MACROD2: variants seen among roughly 807,000 people sequenced by gnomAD.
MACROD2 encodes the protein mono-ADP ribosylhydrolase 2, also known as ADP-ribose glycohydrolase MACROD2.
Under a neutral mutation model 70.4 loss-of-function variants are expected in MACROD2, and 36 were observed. That is an observed-to-expected ratio of 0.51 (90% CI 0.39 to 0.68). The LOEUF (loss-of-function observed/expected upper bound fraction) is 0.68, where lower values mean the gene tolerates loss of function less well. MACROD2 is among the 30% of genes least tolerant of loss of function. The pLI, the probability that MACROD2 is intolerant of heterozygous loss-of-function variation, is 0.00. For synonymous variants in MACROD2, 172 were observed against 178.8 expected, an observed-to-expected ratio of 0.96 and a Z score of 0.30; for missense variants, 496 against 538.4, an observed-to-expected ratio of 0.92 and a Z score of 0.78.
chr20:15,908,951 A>G (rs2065190891), intron 10 of MACROD2, among the ~76,000 whole-genome samples: 1 of 152,218 alleles, frequency 6.6e-6, no homozygotes, highest in Admixed American at 6.5e-5. Context: ...TCCAGGTACT[A>G]GGGATGTATA....
intron 5 of MACROD2, among the ~76,000 whole-genome samples, chr20:14,817,667 G>A (rs570843195): frequency 6.6e-6 from 1 of 152,216 alleles, no homozygotes; most frequent in South Asian, 2.1e-4. Context: ...TATTTTATAA[G>A]TTCATAAAAT....
At chr20:14,685,000 T>A in intron 5 of MACROD2, 41 bp downstream of exon 5, 5 of 1,490,074 alleles carry the variant, frequency 3.4e-6, no homozygotes, top group Non-Finnish European at 4.7e-6. Context: ...AGATGAGACA[T>A]CTTAACTTGT....
chr20:15,246,507 TA>T (rs1399580425), intron 6 of MACROD2, among the ~76,000 whole-genome samples: 1 of 152,228 alleles, frequency 6.6e-6, no homozygotes, highest in East Asian at 1.9e-4. Context: ...CCCATCTTTT[TA>T]TTTTTTTTTA....
At chr20:14,260,572 G>C (rs1260827054) in intron 3 of MACROD2, among the ~76,000 whole-genome samples, 2 of 152,040 alleles carry the variant, frequency 1.3e-5, no homozygotes. Context: ...CAAAATGCTG[G>C]GATTACAGGC....
intron 6 of MACROD2, among the ~76,000 whole-genome samples, chr20:15,379,989 A>G (rs2045619169): frequency 6.8e-6 from 1 of 147,958 alleles, no homozygotes; most frequent in Admixed American, 6.7e-5. Flanking sequence ...ATTGGAAAAC[A>G]GATCTTGGGT....
chr20:15,654,088 A>C (rs2049688797), intron 8 of MACROD2, among the ~76,000 whole-genome samples: 1 of 152,196 alleles, frequency 6.6e-6, no homozygotes, highest in African/African-American at 2.4e-5. Context: ...GAACCCTCCC[A>C]AACAGCAGGC....
At chr20:15,040,366 T>C (rs1258051862) in intron 5 of MACROD2, among the ~76,000 whole-genome samples, 3 of 152,132 alleles carry the variant, frequency 2.0e-5, no homozygotes, top group African/African-American at 7.2e-5. Flanking sequence ...ATAGTGTATT[T>C]GGCTGGGTCC....
chr20:14,106,501 T>G lies in MACROD2; in HGVS notation c.271+20773T>G, dbSNP rs116028270. Reference sequence around the variant, plus strand: ...GAACTCACCTAGGGCCTGGGGGATCTCATTGCCCTGAAGGGAGGGACAAAA... The same window carrying G: ...GAACTCACCTAGGGCCTGGGGGATCGCATTGCCCTGAAGGGAGGGACAAAA... On this transcript the variant is annotated intron_variant, in intron 3 of 17. Coordinates refer to ENST00000684519, the MANE Select transcript of MACROD2 (RefSeq NM_001351661.2). Among the ~76,000 whole-genome samples the G allele has an allele frequency of 6.3e-3, 959 of 152,108 alleles. 14 individuals are homozygous for G. The highest frequency in any genetic ancestry group is 0.022 in the African/African-American group (911 of 41,498).
intron 8 of MACROD2, among the ~76,000 whole-genome samples, chr20:15,698,360 T>G (rs1315584115): frequency 2.6e-5 from 4 of 152,218 alleles, no homozygotes; most frequent in African/African-American, 9.6e-5. Context: ...TACAAAATTC[T>G]TGACTGATAA....
At chr20:14,214,278 G>C (rs1039521414) in intron 3 of MACROD2, among the ~76,000 whole-genome samples, 1 of 152,050 alleles carries the variant, frequency 6.6e-6, no homozygotes, top group Non-Finnish European at 1.5e-5. Flanking sequence ...CTGCCTTCAG[G>C]CTAAAAGGCA....
chr20:15,727,418 G>A (rs960606005), intron 8 of MACROD2, among the ~76,000 whole-genome samples: 1 of 151,016 alleles, frequency 6.6e-6, no homozygotes, highest in East Asian at 1.9e-4. Flanking sequence ...CCTCTATTTG[G>A]GCCCCTTTTT....
chr20:15,956,389 T>C (rs1449376157), intron 12 of MACROD2, among the ~76,000 whole-genome samples: 6 of 152,192 alleles, frequency 3.9e-5, no homozygotes, highest in Non-Finnish European at 2.9e-5. Flanking sequence ...GAAGGAGAGA[T>C]GCTTTGAAAA....
chr20:15,215,972 G>A (rs765180855), intron 5 of MACROD2, among the ~76,000 whole-genome samples: 4 of 152,028 alleles, frequency 2.6e-5, no homozygotes, highest in African/African-American at 4.8e-5. Context: ...ATATAAACTC[G>A]CCTATTAAGA....
intron 8 of MACROD2, among the ~76,000 whole-genome samples, chr20:15,569,470 G>A (rs1174016374): frequency 6.6e-6 from 1 of 152,028 alleles, no homozygotes; most frequent in East Asian, 1.9e-4. Context: ...TCACCATGTT[G>A]TACGATAGAT....
In MACROD2 at chr20:15,777,370, A is replaced by C. The variant is rs1298191552; in HGVS notation, c.646-85375A>C. 6.6e-5 allele frequency among the ~76,000 whole-genome samples: 10 copies of C among 152,176 alleles called. No homozygotes were observed. The East Asian group carries it at 1.9e-3, about 29-fold the overall frequency. On this transcript the variant is annotated intron_variant, in intron 8 of 17. Transcript: ENST00000684519. ...GAGAAAGTGCCGGTTTGGTTAAGTA[A>C]AATTTAGAAAAATACTAATCTAGTC...
intron 3 of MACROD2, among the ~76,000 whole-genome samples, chr20:14,109,123 C>T (rs1311344054): frequency 6.6e-6 from 1 of 151,996 alleles, no homozygotes; most frequent in Non-Finnish European, 1.5e-5. Context: ...ATTTTGGAAA[C>T]TATACAAACA....
At chr20:15,510,870 C>T (rs1558739) in intron 8 of MACROD2, among the ~76,000 whole-genome samples, 119,719 of 152,176 alleles carry the variant, frequency 0.79, 47,297 homozygotes, top group East Asian at 0.99. Flanking sequence ...ATTTATGAAC[C>T]CCTTCGAAGT....
intron 5 of MACROD2, among the ~76,000 whole-genome samples, chr20:15,138,337 C>T (rs925727972): frequency 1.3e-5 from 2 of 152,050 alleles, no homozygotes; most frequent in Non-Finnish European, 2.9e-5. Flanking sequence ...AAATCTAAGG[C>T]ATGAATGATT....
At chr20:15,891,302 C>T (rs781263893) in intron 10 of MACROD2, among the ~76,000 whole-genome samples, 13 of 152,150 alleles carry the variant, frequency 8.5e-5, no homozygotes, top group Non-Finnish European at 1.9e-4. Flanking sequence ...GGAAAGGAAA[C>T]TGACAAAGCT....
Sources: gnomAD v4.1 joint callset for allele counts (sites outside exome capture counted in the v4.1 genomes callset) on GRCh38, gnomAD v4.1.1 for gene constraint, MANE v1.5 for transcripts, NCBI Gene and HGNC (gene_info 2026-07-23, HGNC 2026-07-21) for gene names.